The following PIK3C2B variants were observed in gnomAD, a reference collection of about 807,000 sequenced individuals.
PIK3C2B encodes phosphatidylinositol 4-phosphate 3-kinase C2 domain-containing subunit beta.
Under a neutral mutation model 184.3 loss-of-function variants are expected in PIK3C2B, and 83 were observed. That is an observed-to-expected ratio of 0.45 (90% confidence interval 0.38 to 0.54). PIK3C2B has a LOEUF of 0.54. PIK3C2B is among the 20% of genes least tolerant of loss of function. PIK3C2B has a pLI of 0.00. For synonymous variants in PIK3C2B, 779 were observed against 837.6 expected (o/e 0.93, Z 1.21); for missense variants, 1,736 against 2,113.5 (o/e 0.82, Z 3.50).
intron 24 of PIK3C2B, 143 bp downstream of exon 24, chr1:204,434,296 C>A: frequency 1.4e-6 from 1 of 721,958 alleles, no homozygotes; most frequent in South Asian, 1.7e-5. Context: ...CTTTATCCGT[C>A]TTCTCTCCTC....
intron 1 of PIK3C2B, among the ~76,000 whole-genome samples, chr1:204,492,770 TAGAC>T (rs1474476494): frequency 6.6e-6 from 1 of 151,926 alleles, no homozygotes; most frequent in Non-Finnish European, 1.5e-5. Flanking sequence ...GAGAAGGAAA[TAGAC>T]AAGCAGCCGG....
chr1:204,425,841 A>G, intron 31 of PIK3C2B, 100 bp from the exon 32 acceptor site: 1 of 1,115,210 alleles, frequency 9.0e-7, no homozygotes, highest in Non-Finnish European at 1.3e-6. Flanking sequence ...CTCATCTGCC[A>G]TCTGGCATCT....
intron 27 of PIK3C2B, 83 bp from the exon 28 acceptor site, chr1:204,431,876 T>A: frequency 6.5e-7 from 1 of 1,527,920 alleles, no homozygotes; most frequent in Non-Finnish European, 9.1e-7. Context: ...GAAGTGTATG[T>A]ATGTGCTGAG....
chr1:204,433,085 C>T lies in PIK3C2B; in HGVS notation c.3953+231G>A, dbSNP rs1221238473. 1.3e-5 allele frequency among the ~76,000 whole-genome samples: 2 copies of T among 152,242 alleles called. No homozygotes were observed. Among genetic ancestry groups the T allele is most frequent in the Non-Finnish European group, 2.9e-5 (2 of 68,050 alleles). ...TGTAGATAAGAGTGATGGCAATACC[C>T]TTGTGTGCAAAGGTTAGCACCAAAA... is the stretch of plus-strand genomic sequence containing the variant. On this transcript the variant is annotated intron_variant, in intron 26 of 32. Transcript: ENST00000684373. The surrounding 1 kb of genome is among the most constrained non-coding windows in gnomAD (Gnocchi z 5.0).
At position 204,424,510 on chromosome 1, in the gene PIK3C2B, C is replaced by A; in HGVS notation, c.*342G>T. 2 of 339,194 alleles carry A rather than the reference C, an allele frequency of 5.9e-6. No homozygotes were observed. The highest frequency in any genetic ancestry group is 1.2e-5 in the Non-Finnish European group (2 of 172,966). The allele number at this position is 339,194 out of a possible 1,614,324, so 21.0% of individuals were successfully genotyped here. ...TTTTAAAAATAAAAATTAAGATATCCACCCACCCACCCCCAAAATGCTACT... is the reference window on the plus strand; with the variant it reads ...TTTTAAAAATAAAAATTAAGATATCAACCCACCCACCCCCAAAATGCTACT... On this transcript the variant is annotated 3_prime_UTR_variant, in exon 33 of 33. Transcript: ENST00000684373.
At chr1:204,449,659 C>T (rs1370611809) in intron 13 of PIK3C2B, among the ~76,000 whole-genome samples, 191 bp downstream of exon 13, 2 of 152,234 alleles carry the variant, frequency 1.3e-5, no homozygotes, top group Non-Finnish European at 1.5e-5. Context: ...ACCAGAACCG[C>T]TCAGTGGCTC....
chr1:204,465,799 T>G (rs12092943), intron 2 of PIK3C2B, among the ~76,000 whole-genome samples: 33,783 of 152,094 alleles, frequency 0.22, 4,285 homozygotes, highest in East Asian at 0.53. Flanking sequence ...ACAAGCCCCA[T>G]GGACCCAAAG....
intron 24 of PIK3C2B, 61 bp from the exon 25 acceptor site, chr1:204,434,010 G>A: frequency 1.4e-6 from 2 of 1,379,516 alleles, no homozygotes; most frequent in Non-Finnish European, 1.0e-6. Flanking sequence ...CACCATATGG[G>A]CTGCATCAGG....
rs1056233597 is a variant in PIK3C2B, at chr1:204,444,136, G to C, written c.2799C>G (p.Asp933Glu). The C allele has an allele frequency of 6.2e-7, 1 of 1,613,630 alleles. No individual in the cohort carries two copies. The highest frequency in any genetic ancestry group is 8.5e-7 in the Non-Finnish European group (1 of 1,179,476). The change falls in exon 18 of 33, where the codon GAC becomes GAG. Residue 933 changes from aspartate (D) to glutamate (E), a missense_variant. Coordinates refer to ENST00000684373, the MANE Select transcript of PIK3C2B (RefSeq NM_001377334.1). The stretch of plus-strand genomic sequence containing the variant: ...TCAGGAGGAAGCGCACCAACGGGCT[G>C]TCCAGGTAGCATTCATACTTCAGGG... Reference protein sequence around the residue: ...VQALKYECYLDSPLVRFLLKR... With the variant: ...VQALKYECYLESPLVRFLLKR...
chr1:204,432,720 A>G (rs1327431820), intron 26 of PIK3C2B, among the ~76,000 whole-genome samples: 1 of 152,236 alleles, frequency 6.6e-6, no homozygotes, highest in African/African-American at 2.4e-5. Context: ...AAGGTTCATT[A>G]CAATAGAACC....
Position 204,469,641 on chromosome 1 carries a change from G to A in PIK3C2B, c.162C>T (p.Asp54=). ...KEENRAKQNA[D]PSLISWDEPG... ...GCTCATCCCAGCTGATGAGAGAGGG[G>A]TCTGCGTTCTGCTTGGCTCTGTTCT... The change falls in exon 2 of 33, where the codon GAC becomes GAT. Residue 54 remains aspartate, a synonymous_variant. Transcript: ENST00000684373. 1 of 1,613,446 alleles carries A rather than the reference G, an allele frequency of 6.2e-7. No homozygotes were observed. Among genetic ancestry groups the A allele is most frequent in the Non-Finnish European group, 8.5e-7 (1 of 1,179,654 alleles).
chr1:204,469,269 G>A lies in PIK3C2B; in HGVS notation c.534C>T (p.Pro178=), dbSNP rs375506426. 1.9e-5 allele frequency: 30 copies of A among 1,556,464 alleles called. 1 individual carries two copies. The African/African-American group carries it at 3.8e-4, about 20-fold the overall frequency. The change falls in exon 2 of 33, where the codon CCC becomes CCT. Residue 178 remains proline, a synonymous_variant. Coordinates refer to ENST00000684373, the MANE Select transcript of PIK3C2B (RefSeq NM_001377334.1). ...TPPLPPRKGS[P]SSSKISQPSD... ...TGGGCTGGGAGATCTTGGAGGATGA[G>A]GGGGACCCCTTTCTGGGAGGCAGGG...
intron 23 of PIK3C2B, chr1:204,435,361 A>G (rs1675285973): frequency 6.6e-6 from 1 of 152,180 alleles, no homozygotes; most frequent in Admixed American, 6.5e-5. Context: ...TGGAATGAGG[A>G]AATAGACCAC....
intron 2 of PIK3C2B, among the ~76,000 whole-genome samples, chr1:204,468,189 A>G (rs1655978798): frequency 1.3e-5 from 2 of 152,238 alleles, no homozygotes; most frequent in South Asian, 2.1e-4. Flanking sequence ...CTGACTGCAC[A>G]CTTCCAAATG....
chr1:204,487,389 C>T (rs1657681717), intron 1 of PIK3C2B, among the ~76,000 whole-genome samples: 1 of 152,212 alleles, frequency 6.6e-6, no homozygotes, highest in Non-Finnish European at 1.5e-5. Context: ...TTCTTTTCCA[C>T]TAAGCCTTTA....
intron 18 of PIK3C2B, 131 bp from the exon 19 acceptor site, chr1:204,443,728 C>T: frequency 1.3e-6 from 1 of 773,994 alleles, no homozygotes; most frequent in East Asian, 2.5e-5. Flanking sequence ...AAAATACATT[C>T]TGTATGTACG....
chr1:204,443,535 G>A lies in PIK3C2B; in HGVS notation c.2930C>T (p.Ala977Val). 5.6e-6 allele frequency: 9 copies of A among 1,614,208 alleles called. No individual in the cohort carries two copies. Among genetic ancestry groups the A allele is most frequent in the Non-Finnish European group, 6.8e-6 (8 of 1,180,016 alleles). ...CCCCTTGCCACAGCAGCACAGTAAG[G>A]CTGCCAGCAGATACTGGTAGCGGAT... ...FSIRYQYLLA[A>V]LLCCCGKGLR... is the part of the protein sequence containing the mutation. Residue 977 changes from alanine to valine, a missense_variant, in exon 19 of 33, where the codon GCC (alanine) becomes GTC (valine). Ala to Val is a moderately conservative substitution (Grantham distance 64, BLOSUM62 0). Transcript: ENST00000684373.
chr1:204,486,737 G>T (rs1657627513), intron 1 of PIK3C2B, among the ~76,000 whole-genome samples: 1 of 152,112 alleles, frequency 6.6e-6, no homozygotes, highest in Admixed American at 6.6e-5. Flanking sequence ...CTCAAAAAAA[G>T]ATTACCTCTT....
intron 12 of PIK3C2B, among the ~76,000 whole-genome samples, chr1:204,452,077 C>T (rs922598759): frequency 2.6e-5 from 4 of 152,114 alleles, no homozygotes; most frequent in Non-Finnish European, 4.4e-5. Context: ...AAGTCTCATT[C>T]GGGGCTTCTG....
Sources: allele counts gnomAD v4.1 joint callset (sites outside exome capture counted in the v4.1 genomes callset), GRCh38; gene constraint gnomAD v4.1.1; non-coding constraint Gnocchi (gnomAD v3.1); transcripts MANE v1.5; gene names NCBI Gene and HGNC (gene_info 2026-07-23, HGNC 2026-07-21).